The following SEMA6D variants were observed in gnomAD, a reference collection of about 807,000 sequenced individuals.
The protein encoded by SEMA6D is semaphorin-6D.
In SEMA6D, 35 loss-of-function variants were observed where a neutral mutation model predicts 106.6. The observed-to-expected ratio is 0.33, with a 90% CI of 0.25 to 0.44. The LOEUF is 0.44. Among genes scored for constraint, SEMA6D ranks in the 20% least tolerant of loss-of-function variants. The probability of loss-of-function intolerance (pLI) is 1.00; values close to 1 mark genes in which losing one functional copy is unlikely to be tolerated. For missense variants in SEMA6D, 1,185 were observed against 1,345.9 expected, an observed-to-expected ratio of 0.88 and a Z score of 1.87; for synonymous variants, 499 against 487.7, an observed-to-expected ratio of 1.02 and a Z score of -0.31.
chr15:47,547,800 G>A (rs117161070), intron 3 of SEMA6D, among the ~76,000 whole-genome samples: 1,703 of 152,094 alleles, frequency 0.011, 13 homozygotes, highest in Admixed American at 0.021. Context: ...ATTAACATTC[G>A]TCTCCTACCT....
intron 1 of SEMA6D, among the ~76,000 whole-genome samples, chr15:47,293,421 A>T (rs1187477699): frequency 6.6e-6 from 1 of 152,088 alleles, no homozygotes; most frequent in African/African-American, 2.4e-5. Context: ...TTTTGGTGAG[A>T]TTAGCCTAAA....
chr15:47,218,299 A>G lies in SEMA6D; in HGVS notation c.-239+33881A>G, dbSNP rs78955184. ...TCTGTTTTTGTCTTTTTTCCACAAC[A>G]CCTCTTCTCCTGGTCTTCATTTGTC... is the stretch of plus-strand genomic sequence containing the variant. On this transcript the variant is annotated intron_variant, in intron 1 of 19. Coordinates refer to the SEMA6D transcript ENST00000558014. 2.3e-3 allele frequency among the ~76,000 whole-genome samples: 349 copies of G among 151,992 alleles called. 8 individuals carry two copies. The East Asian group carries it at 0.063, about 27-fold the overall frequency.
chr15:47,330,305 C>G (rs1430530568), intron 1 of SEMA6D, among the ~76,000 whole-genome samples: 1 of 152,188 alleles, frequency 6.6e-6, no homozygotes, highest in Non-Finnish European at 1.5e-5. Context: ...ACCAAGCCCT[C>G]TGTTTTCTTT....
rs1937187293 is a variant in SEMA6D, at chr15:47,773,839, A to G, written c.*2054A>G. The G allele has an allele frequency of 6.6e-6, 1 of 152,632 alleles. No homozygotes were observed. Among genetic ancestry groups the G allele is most frequent in the African/African-American group, 2.4e-5 (1 of 41,442 alleles). 9.5% of individuals were successfully genotyped at this position (152,632 alleles called of 1,614,324 possible). ...CAAACGTGTTTGAATTCACCTTACC[A>G]ATATTAATCCCAGCGTGTGTAAAAC... On this transcript the variant is annotated 3_prime_UTR_variant, in exon 19 of 19. Coordinates refer to ENST00000536845, the MANE Select transcript of SEMA6D (RefSeq NM_001358351.3).
chr15:47,455,830 AC>A (rs1214604016), intron 2 of SEMA6D, among the ~76,000 whole-genome samples: 3 of 151,888 alleles, frequency 2.0e-5, no homozygotes, highest in Non-Finnish European at 4.4e-5. Flanking sequence ...TGGCTTCAAG[AC>A]CCTGGGAGAG....
chr15:47,213,587 C>A (rs1367976448), intron 1 of SEMA6D, among the ~76,000 whole-genome samples: 1 of 152,220 alleles, frequency 6.6e-6, no homozygotes, highest in African/African-American at 2.4e-5. Context: ...GATGGTCTTA[C>A]ATGCTTAGCT....
chr15:47,757,861 C>G (rs950120585), intron 1 of SEMA6D, among the ~76,000 whole-genome samples: 4 of 152,152 alleles, frequency 2.6e-5, no homozygotes, highest in African/African-American at 9.7e-5. Context: ...TAACTTTTCT[C>G]AGAATTTCCT....
chr15:47,400,522 A>G (rs1243183616), intron 1 of SEMA6D, among the ~76,000 whole-genome samples: 1 of 151,072 alleles, frequency 6.6e-6, no homozygotes, highest in Non-Finnish European at 1.5e-5. Flanking sequence ...ATACACTTTT[A>G]TTTAACATTC....
rs139826541 is a variant in SEMA6D, at chr15:47,599,186, A to C, written c.-86-1679A>C. On this transcript the variant is annotated intron_variant, in intron 3 of 19. Transcript: ENST00000558014. Reference sequence around the variant, plus strand: ...ACATTTAAATACTACTTCCTCCAAGATGTAAATCACTGTGCTGGGAGTATG... The same window carrying C: ...ACATTTAAATACTACTTCCTCCAAGCTGTAAATCACTGTGCTGGGAGTATG... Among the ~76,000 whole-genome samples the C allele has an allele frequency of 9.2e-5, 14 of 152,220 alleles. No individual in the cohort carries two copies. The East Asian group carries it at 2.5e-3, about 27-fold the overall frequency.
intron 3 of SEMA6D, among the ~76,000 whole-genome samples, chr15:47,591,467 T>C (rs1175184234): frequency 2.6e-5 from 4 of 152,202 alleles, no homozygotes; most frequent in African/African-American, 7.2e-5. Context: ...TACATTGTTC[T>C]CTTGCTCCTT....
chr15:47,414,802 T>G (rs2040907440), intron 2 of SEMA6D, among the ~76,000 whole-genome samples: 1 of 152,126 alleles, frequency 6.6e-6, no homozygotes, highest in Non-Finnish European at 1.5e-5. Context: ...TCATGTAGAG[T>G]GACAGAGTAG....
At chr15:47,593,201 G>A (rs370461567) in intron 3 of SEMA6D, among the ~76,000 whole-genome samples, 1 of 151,884 alleles carries the variant, frequency 6.6e-6, no homozygotes, top group African/African-American at 2.4e-5. Context: ...TCAGGAGATC[G>A]AGACCATCCT....
At chr15:47,448,655 G>A (rs1411087099) in intron 2 of SEMA6D, among the ~76,000 whole-genome samples, 2 of 152,138 alleles carry the variant, frequency 1.3e-5, no homozygotes, top group Non-Finnish European at 2.9e-5. Flanking sequence ...CTTAGAGAGG[G>A]GAAAAGGCTG....
chr15:47,290,869 G>T (rs1308037621), intron 1 of SEMA6D, among the ~76,000 whole-genome samples: 1 of 152,216 alleles, frequency 6.6e-6, no homozygotes, highest in Non-Finnish European at 1.5e-5. Context: ...TTTATTGCAT[G>T]AGGTTATTTA....
chr15:47,592,150 G>A (rs1201926289), intron 3 of SEMA6D, among the ~76,000 whole-genome samples: 1 of 152,136 alleles, frequency 6.6e-6, no homozygotes, highest in Non-Finnish European at 1.5e-5. Context: ...GGTAATGGAA[G>A]CTGGGAAAAT....
intron 1 of SEMA6D, among the ~76,000 whole-genome samples, chr15:47,411,626 C>T (rs1466729492): frequency 6.6e-6 from 1 of 152,058 alleles, no homozygotes; most frequent in African/African-American, 2.4e-5. Flanking sequence ...ACACCTTGCC[C>T]TATTTCTGAA....
intron 1 of SEMA6D, among the ~76,000 whole-genome samples, chr15:47,736,513 T>C (rs2080455038): frequency 6.6e-6 from 1 of 152,250 alleles, no homozygotes; most frequent in African/African-American, 2.4e-5. Flanking sequence ...TTTACTGTTT[T>C]GCTACATATC....
chr15:47,366,415 G>A (rs1043540704), intron 1 of SEMA6D, among the ~76,000 whole-genome samples: 1 of 152,176 alleles, frequency 6.6e-6, no homozygotes, highest in Non-Finnish European at 1.5e-5. Flanking sequence ...AATCTGTTCA[G>A]TAACACATAG....
intron 1 of SEMA6D, among the ~76,000 whole-genome samples, chr15:47,205,107 C>G (rs1373394999): frequency 6.6e-6 from 1 of 152,058 alleles, no homozygotes; most frequent in East Asian, 1.9e-4. Context: ...AACTTTCTGC[C>G]TCTGAAAAGA....
Sources: allele counts gnomAD v4.1 joint callset (sites outside exome capture counted in the v4.1 genomes callset), GRCh38; gene constraint gnomAD v4.1.1; transcripts MANE v1.5; gene names NCBI Gene and HGNC (gene_info 2026-07-23, HGNC 2026-07-21).